Variants in IL3RA observed in about 807,000 individuals in gnomAD.
IL3RA encodes the protein interleukin-3 receptor subunit alpha.
IL3RA carries 73 observed loss-of-function variants against 52.3 expected under a neutral mutation model. The observed-to-expected ratio is 1.40, with a 90% CI of 1.16 to 1.70. The LOEUF (loss-of-function observed/expected upper bound fraction) is 1.70. Ranked by LOEUF, IL3RA falls within the 40% of genes most tolerant of loss-of-function variation. The pLI is 0.00. For synonymous variants in IL3RA, 260 were observed against 194.0 expected (o/e 1.34, Z -2.83); for missense variants, 664 against 504.4 (o/e 1.32, Z -3.03).
chrX:1,358,344 G>A (rs1165404935), intron 7 of IL3RA, among the ~76,000 whole-genome samples: 1 of 151,956 alleles, frequency 6.6e-6, no homozygotes, highest in Non-Finnish European at 1.5e-5. Flanking sequence ...CTCCCACCAA[G>A]GTCTTGCCAC....
At chrX:1,363,233 T>C (rs1367892374) in intron 8 of IL3RA, among the ~76,000 whole-genome samples, 3 of 151,812 alleles carry the variant, frequency 2.0e-5, no homozygotes, top group Non-Finnish European at 4.4e-5. Context: ...GACTGCAACA[T>C]ATGAATTTTG....
chrX:1,378,889 C>T (rs1316926244), intron 10 of IL3RA, 125 bp downstream of exon 10: 10 of 942,762 alleles, frequency 1.1e-5, no homozygotes, highest in African/African-American at 9.7e-5. Context: ...GTCTCCCAGG[C>T]TGGAGTGCAG....
chrX:1,360,876 T>G (rs1304597845), intron 8 of IL3RA, among the ~76,000 whole-genome samples: 1 of 144,328 alleles, frequency 6.9e-6, no homozygotes, highest in African/African-American at 2.6e-5. Context: ...TCCCTTCCCC[T>G]CTCTGTCTCT....
In IL3RA at chrX:1,356,419, C is replaced by G. The variant is rs749248006; in HGVS notation, c.732+83C>G. 82 of 772,518 alleles carry G rather than the reference C, an allele frequency of 1.1e-4. No homozygotes were observed. The South Asian group carries it at 1.3e-3, about 12-fold the overall frequency. 47.9% of individuals were successfully genotyped at this position (772,518 alleles called of 1,614,324 possible). A position where few individuals can be genotyped will look rare whatever the true frequency, so the allele number is the denominator to read the frequency against. ...TAAGTCGCACTCTGGGGCCTTGAAA[C>G]GGGCAACAATCTCCTCTGATAACGT... On this transcript the variant is annotated intron_variant, in intron 7 of 11. Coordinates refer to ENST00000331035, the MANE Select transcript of IL3RA (RefSeq NM_002183.4).
chrX:1,353,013 T>C lies in IL3RA; in HGVS notation c.616+507T>C, dbSNP rs187649514. Among the ~76,000 whole-genome samples, 17 of 136,186 alleles carry C rather than the reference T, an allele frequency of 1.2e-4. No individual in the cohort carries two copies. In the East Asian group the frequency reaches 3.0e-3, roughly 24 times the overall value. 89.3% of individuals were successfully genotyped at this position (136,186 alleles called of 152,430 possible). On this transcript the variant is annotated intron_variant, in intron 6 of 11. Transcript: ENST00000331035. ...CCATCATGGGTTTCATCATGAGTCA[T>C]AGAACCCCCTATCATGGATTCCATC... is the stretch of plus-strand genomic sequence containing the variant.
chrX:1,378,556 T>C (rs2088957267), intron 9 of IL3RA, 103 bp from the exon 10 acceptor site: 1 of 996,600 alleles, frequency 1.0e-6, no homozygotes, highest in Non-Finnish European at 1.5e-6. Flanking sequence ...CCACCCCATA[T>C]GGCAGCCACC....
At chrX:1,368,089 C>A (rs1345407274) in intron 9 of IL3RA, among the ~76,000 whole-genome samples, 1 of 152,002 alleles carries the variant, frequency 6.6e-6, no homozygotes, top group Admixed American at 6.6e-5. Flanking sequence ...GAAACCCGGT[C>A]TCTACAAAAA....
At position 1,365,240 on chromosome X, in the gene IL3RA, C is replaced by A; in HGVS notation, c.862C>A (p.Pro288Thr). 2 of 1,608,624 alleles carry A rather than the reference C, an allele frequency of 1.2e-6. No individual in the cohort carries two copies. The highest frequency in any genetic ancestry group is 1.7e-6 in the Non-Finnish European group (2 of 1,177,154). ...TGAATTCTTGAGCGCCTGGAGCACC[C>A]CCCAGCGCTTCGGTGAGTGGGCTGT... ...VYEFLSAWST[P>T]QRFECDQEEG... Residue 288 changes from proline to threonine, a missense_variant, in exon 9 of 12, where the codon CCC becomes ACC. Pro to Thr is a conservative substitution (Grantham distance 38). Coordinates refer to ENST00000331035, the MANE Select transcript of IL3RA (RefSeq NM_002183.4).
intron 9 of IL3RA, among the ~76,000 whole-genome samples, chrX:1,377,248 TC>T (rs747544903): frequency 2.0e-5 from 3 of 152,154 alleles, no homozygotes; most frequent in Non-Finnish European, 4.4e-5. Context: ...TTCTTTTTTT[TC>T]CTCTTTTTCT....
intron 8 of IL3RA, 38 bp from the exon 9 acceptor site, chrX:1,365,100 T>A: frequency 6.7e-7 from 1 of 1,496,158 alleles, no homozygotes; most frequent in Non-Finnish European, 9.3e-7. Context: ...TGAGCCACCA[T>A]ACCTGGCCCC....
intron 4 of IL3RA, among the ~76,000 whole-genome samples, chrX:1,349,329 C>T (rs1194245571): frequency 7.3e-5 from 11 of 151,658 alleles, no homozygotes; most frequent in Admixed American, 5.3e-4. Flanking sequence ...TTATAGGCGC[C>T]CACCGCCACG....
At chrX:1,342,620 G>C (rs150560014) in intron 2 of IL3RA, among the ~76,000 whole-genome samples, 5,398 of 142,552 alleles carry the variant, frequency 0.038, 145 homozygotes, top group Middle Eastern at 0.064. Flanking sequence ...GAGTGTAATA[G>C]CGTGACCATG....
intron 8 of IL3RA, among the ~76,000 whole-genome samples, chrX:1,363,626 G>A (rs1197529042): frequency 6.6e-6 from 1 of 150,952 alleles, no homozygotes; most frequent in Non-Finnish European, 1.5e-5. Context: ...AAGGAGCTGG[G>A]GGCTAAGACT....
intron 8 of IL3RA, among the ~76,000 whole-genome samples, chrX:1,361,117 GTCTCTCTCTCCCTTCCCCTCTCTGTC>G: frequency 1.8e-5 from 1 of 55,986 alleles, no homozygotes; most frequent in South Asian, 6.3e-4. Flanking sequence ...TCCCCTCTCT[GTCTCTCTCTCCCTTCCCCTCTCTGTC>G]TCTCTCTCCC....
At chrX:1,377,499 T>A (rs1359741393) in intron 9 of IL3RA, among the ~76,000 whole-genome samples, 80 of 152,164 alleles carry the variant, frequency 5.3e-4, no homozygotes, top group Non-Finnish European at 1.0e-3. Context: ...CGCCTTGGCC[T>A]CCCAAAGCGC....
At chrX:1,354,661 G>A (rs1447528027) in intron 6 of IL3RA, among the ~76,000 whole-genome samples, 2 of 89,676 alleles carry the variant, frequency 2.2e-5, no homozygotes, top group African/African-American at 1.0e-4. Context: ...GATGGGGAGG[G>A]GAGGAAGAGG....
chrX:1,382,368 C>T (rs371720791), intron 11 of IL3RA, 23 bp from the exon 12 acceptor site: 2 of 1,608,270 alleles, frequency 1.2e-6, no homozygotes, highest in African/African-American at 1.3e-5. Flanking sequence ...GCCGACTCAC[C>T]CTGCCTCCTC....
intron 3 of IL3RA, among the ~76,000 whole-genome samples, chrX:1,347,656 G>GA (rs1231524214): frequency 1.3e-5 from 2 of 151,132 alleles, no homozygotes; most frequent in Non-Finnish European, 2.9e-5. Context: ...AAACAAACAA[G>GA]AAAAAAACAA....
At chrX:1,379,881 TC>T (rs1251481817) in intron 10 of IL3RA, among the ~76,000 whole-genome samples, 1 of 152,192 alleles carries the variant, frequency 6.6e-6, no homozygotes, top group South Asian at 2.1e-4. Flanking sequence ...TGCCTCAGCC[TC>T]CCTGAGTAGC....
Sources: allele counts gnomAD v4.1 joint callset (sites outside exome capture counted in the v4.1 genomes callset), GRCh38; gene constraint gnomAD v4.1.1; transcripts MANE v1.5; gene names NCBI Gene and HGNC (gene_info 2026-07-23, HGNC 2026-07-21).